Variants in RIN3 observed in about 807,000 individuals in gnomAD.
The protein encoded by RIN3 is Ras and Rab interactor 3.
A neutral mutation model predicts 76.3 loss-of-function variants in RIN3; 54 were observed. That is an observed-to-expected ratio of 0.71 (90% CI 0.57 to 0.89). The LOEUF is 0.89. RIN3 is among the 40% of genes least tolerant of loss of function. The probability of loss-of-function intolerance (pLI) is 0.00; values close to 1 mark genes in which losing one functional copy is unlikely to be tolerated. For missense variants in RIN3, 1,256 were observed against 1,322.1 expected, an observed-to-expected ratio of 0.95 and a Z score of 0.78; for synonymous variants, 576 against 564.0, an observed-to-expected ratio of 1.02 and a Z score of -0.30.
At position 92,586,725 on chromosome 14, in the gene RIN3, G is replaced by A. The variant is rs1477854454; in HGVS notation, c.367+9248G>A. The A allele has an allele frequency of 2.6e-5, 4 of 152,268 alleles. No homozygotes were observed. The East Asian group carries it at 7.7e-4, about 29-fold the overall frequency. 9.4% of individuals were successfully genotyped at this position (152,268 alleles called of 1,614,324 possible). Reference sequence around the variant, plus strand: ...AGGAAGACAGTATGACAGGCTTGAAGACAGGGTTCTTGGCATTGAACCAGT... The same window carrying A: ...AGGAAGACAGTATGACAGGCTTGAAAACAGGGTTCTTGGCATTGAACCAGT... On this transcript the variant is annotated intron_variant, in intron 3 of 9. Transcript: ENST00000216487.
At chr14:92,560,159 GC>G (rs1049384576) in intron 2 of RIN3, among the ~76,000 whole-genome samples, 1 of 152,182 alleles carries the variant, frequency 6.6e-6, no homozygotes, top group African/African-American at 2.4e-5. Context: ...CACTCCTTCA[GC>G]CCCAGCAGGG....
intron 3 of RIN3, among the ~76,000 whole-genome samples, chr14:92,589,989 G>A (rs953795245): frequency 9.9e-5 from 15 of 152,210 alleles, no homozygotes; most frequent in African/African-American, 3.6e-4. Context: ...GCTTGCCAGA[G>A]CAGAAACCCA....
chr14:92,644,107 T>C (rs1442550272), intron 5 of RIN3, among the ~76,000 whole-genome samples: 2 of 152,190 alleles, frequency 1.3e-5, no homozygotes, highest in Non-Finnish European at 2.9e-5. Flanking sequence ...CTCACACCTG[T>C]AAAGTGCCCC....
In RIN3 at chr14:92,651,958, TGCCCCC is replaced by T; in HGVS notation, c.915_920del (p.Pro307_Ala308del). ...CCCAGCCCCCTGTGCTCCCTGCTCT[TGCCCCC>T]GCCCCTGCCTGTCCTTTGCCCACCT... is the stretch of plus-strand genomic sequence containing the variant. On this transcript the variant is annotated inframe_deletion, in exon 6 of 10. Transcript: ENST00000216487. 1.4e-6 allele frequency: 2 copies of T among 1,399,820 alleles called. No homozygotes were observed. The highest frequency in any genetic ancestry group is 1.9e-6 in the Non-Finnish European group (2 of 1,052,272). 86.7% of individuals were successfully genotyped at this position (1,399,820 alleles called of 1,614,324 possible). A position where few individuals can be genotyped will look rare whatever the true frequency, so the allele number is the denominator to read the frequency against.
chr14:92,680,381 G>A (rs560415589), intron 8 of RIN3, among the ~76,000 whole-genome samples: 3 of 152,168 alleles, frequency 2.0e-5, no homozygotes, highest in African/African-American at 7.2e-5. Flanking sequence ...TGTATTTTTA[G>A]TACAGACAGG....
At position 92,656,033 on chromosome 14, in the gene RIN3, C is replaced by T. The variant is rs1002638632; in HGVS notation, c.2026+2958C>T. Among the ~76,000 whole-genome samples the T allele has an allele frequency of 1.3e-5, 2 of 152,116 alleles. No individual in the cohort carries two copies. Among genetic ancestry groups the T allele is most frequent in the Non-Finnish European group, 2.9e-5 (2 of 68,024 alleles). ...GGATGAGATCATCCGGGTCTGAGGA[C>T]TGAGCCACAGGCACCGTGCAGACCA... On this transcript the variant is annotated intron_variant, in intron 6 of 9. Coordinates refer to ENST00000216487, the MANE Select transcript of RIN3 (RefSeq NM_024832.5). The surrounding 1 kb of genome is among the most constrained non-coding windows in gnomAD (Gnocchi z 5.2).
At chr14:92,680,946 T>C (rs2140174567) in intron 8 of RIN3, among the ~76,000 whole-genome samples, 1 of 150,882 alleles carries the variant, frequency 6.6e-6, no homozygotes, top group African/African-American at 2.4e-5. Flanking sequence ...CTAGCCTCTC[T>C]CTTGTGTTCC....
chr14:92,638,420 C>T (rs1466272194), intron 4 of RIN3, among the ~76,000 whole-genome samples: 5 of 152,102 alleles, frequency 3.3e-5, no homozygotes, highest in African/African-American at 7.2e-5. Flanking sequence ...CCAGGGGAGG[C>T]CCTGGATGCT....
intron 3 of RIN3, among the ~76,000 whole-genome samples, chr14:92,611,547 C>T (rs1885737337): frequency 6.6e-6 from 1 of 152,198 alleles, no homozygotes; most frequent in African/African-American, 2.4e-5. Flanking sequence ...GCCATCGCAG[C>T]CAGCCCATCA....
chr14:92,569,131 G>A (rs1280133347), intron 2 of RIN3, among the ~76,000 whole-genome samples: 2 of 152,166 alleles, frequency 1.3e-5, no homozygotes, highest in East Asian at 1.9e-4. Context: ...TCTTGCATTC[G>A]CCTCCTCTTG....
At chr14:92,516,848 C>A (rs1896456466) in intron 1 of RIN3, among the ~76,000 whole-genome samples, 1 of 152,194 alleles carries the variant, frequency 6.6e-6, no homozygotes, top group South Asian at 2.1e-4. Context: ...AGGGCACCCG[C>A]ATTTTAACCC....
chr14:92,550,860 A>G (rs1178298972), intron 1 of RIN3, among the ~76,000 whole-genome samples: 1 of 152,184 alleles, frequency 6.6e-6, no homozygotes, highest in Non-Finnish European at 1.5e-5. Flanking sequence ...GCCTTAAGGG[A>G]TGGGGAGAAC....
At chr14:92,545,530 CTCGT>C (rs1304636790) in intron 1 of RIN3, among the ~76,000 whole-genome samples, 3 of 116,606 alleles carry the variant, frequency 2.6e-5, no homozygotes. Flanking sequence ...GTCACATTTG[CTCGT>C]TTGCACTCTT....
chr14:92,520,873 T>C (rs1896579957), intron 1 of RIN3, among the ~76,000 whole-genome samples: 2 of 152,206 alleles, frequency 1.3e-5, no homozygotes, highest in Admixed American at 1.3e-4. Flanking sequence ...ATGTCAGAGA[T>C]TGATAATGTA....
At chr14:92,675,283 G>A (rs750435367) in intron 7 of RIN3, among the ~76,000 whole-genome samples, 31 of 152,176 alleles carry the variant, frequency 2.0e-4, no homozygotes, top group Non-Finnish European at 4.1e-4. Context: ...ATTTATATTG[G>A]TACTGATGGT....
At chr14:92,676,690 C>A in intron 8 of RIN3, 84 bp downstream of exon 8, 1 of 1,469,496 alleles carries the variant, frequency 6.8e-7, no homozygotes, top group Admixed American at 1.8e-5. Flanking sequence ...GCCCAACAAG[C>A]ACCTCCTGGA....
At chr14:92,582,677 T>C (rs1884599137) in intron 3 of RIN3, among the ~76,000 whole-genome samples, 1 of 152,142 alleles carries the variant, frequency 6.6e-6, no homozygotes, top group South Asian at 2.1e-4. Context: ...GGTCTCGAAC[T>C]CCTGACCTCA....
intron 4 of RIN3, among the ~76,000 whole-genome samples, chr14:92,625,482 T>C (rs533719867): frequency 2.2e-4 from 33 of 152,282 alleles, no homozygotes; most frequent in African/African-American, 7.0e-4. Flanking sequence ...TTTAACCACA[T>C]TATTAGCTGT....
chr14:92,631,533 TAC>T (rs1886581101), intron 4 of RIN3, among the ~76,000 whole-genome samples: 1 of 152,168 alleles, frequency 6.6e-6, no homozygotes, highest in Non-Finnish European at 1.5e-5. Flanking sequence ...TGGTTAAAAC[TAC>T]AGACTCCTCC....
Sources: gnomAD v4.1 joint callset for allele counts (sites outside exome capture counted in the v4.1 genomes callset) on GRCh38, gnomAD v4.1.1 for gene constraint, Gnocchi (gnomAD v3.1) non-coding constraint, MANE v1.5 for transcripts, NCBI Gene and HGNC (gene_info 2026-07-23, HGNC 2026-07-21) for gene names.